Variants in HS6ST3 observed in about 807,000 individuals in gnomAD.
The protein encoded by HS6ST3 is heparan-sulfate 6-O-sulfotransferase 3.
HS6ST3 carries 12 observed loss-of-function variants against 36.7 expected under a neutral mutation model. The ratio of observed to expected loss-of-function variants is 0.33; its 90% confidence interval spans 0.21 to 0.53. HS6ST3 has a LOEUF of 0.53. Ranked by LOEUF, HS6ST3 falls within the 20% of genes least tolerant of loss-of-function variation. HS6ST3 has a pLI of 0.95. For missense variants in HS6ST3, 584 were observed against 640.9 expected (o/e 0.91, Z 0.96); for synonymous variants, 240 against 257.5 (o/e 0.93, Z 0.65).
intron 1 of HS6ST3, among the ~76,000 whole-genome samples, chr13:96,543,892 T>A (rs2056187533): frequency 6.6e-6 from 1 of 151,984 alleles, no homozygotes; most frequent in Non-Finnish European, 1.5e-5. Flanking sequence ...GAATCAAATT[T>A]TTTTTTCTTA....
chr13:96,833,000 G>A lies in HS6ST3; in HGVS notation c.1218G>A (p.Gln406=). 1 of 1,614,114 alleles carries A rather than the reference G, an allele frequency of 6.2e-7. No individual in the cohort carries two copies. The highest frequency in any genetic ancestry group is 8.5e-7 in the Non-Finnish European group (1 of 1,180,018). ...RIEDLNFLDM[Q]LYEYAKDLFQ... ...AGGATCTAAACTTCCTGGACATGCAGCTTTACGAGTATGCAAAAGATCTCT... is the reference window on the plus strand; with the variant it reads ...AGGATCTAAACTTCCTGGACATGCAACTTTACGAGTATGCAAAAGATCTCT... The change falls in exon 2 of 2, where the codon CAG becomes CAA. Residue 406 remains glutamine (Q), a synonymous_variant. Transcript: ENST00000376705.
At chr13:96,319,303 C>T (rs2054992053) in intron 1 of HS6ST3, among the ~76,000 whole-genome samples, 2 of 152,168 alleles carry the variant, frequency 1.3e-5, no homozygotes, top group Admixed American at 1.3e-4. Flanking sequence ...TTTCAAGGTT[C>T]ATCCATGCTC....
chr13:96,686,078 C>T lies in HS6ST3; in HGVS notation c.708-146412C>T, dbSNP rs564806452. Among the ~76,000 whole-genome samples, 4 of 152,074 alleles carry T rather than the reference C, an allele frequency of 2.6e-5. No homozygotes were observed. The South Asian group carries it at 6.2e-4, about 24-fold the overall frequency. On this transcript the variant is annotated intron_variant, in intron 1 of 1. Transcript: ENST00000376705. The stretch of plus-strand genomic sequence containing the variant: ...GAAACGTAACCCATCATTAAATTTT[C>T]ATCCAAGGAGGAAGGCGTTTGCCTG...
chr13:96,145,466 C>G (rs2054053159), intron 1 of HS6ST3, among the ~76,000 whole-genome samples: 1 of 152,110 alleles, frequency 6.6e-6, no homozygotes, highest in Non-Finnish European at 1.5e-5. Flanking sequence ...TGAGAAGTGT[C>G]TGTTATATCC....
At chr13:96,802,412 T>C (rs1333109081) in intron 1 of HS6ST3, among the ~76,000 whole-genome samples, 1 of 152,206 alleles carries the variant, frequency 6.6e-6, no homozygotes, top group Non-Finnish European at 1.5e-5. Context: ...AAAGCTTTTT[T>C]CTCTTTTAAC....
chr13:96,137,837 G>GCT (rs1566891230), intron 1 of HS6ST3, among the ~76,000 whole-genome samples: 1 of 151,766 alleles, frequency 6.6e-6, no homozygotes, highest in African/African-American at 2.4e-5. Context: ...TTTAAAGAAT[G>GCT]TTGAATTCTT....
intron 1 of HS6ST3, among the ~76,000 whole-genome samples, chr13:96,198,186 G>T (rs72642916): frequency 0.053 from 8,031 of 152,266 alleles, 315 homozygotes; most frequent in Admixed American, 0.13. Flanking sequence ...GGCTGGAACG[G>T]CTGGGACACA....
Position 96,833,529 on chromosome 13 carries a change from G to A in HS6ST3, c.*331G>A, listed in dbSNP as rs1423073462. 3 of 230,768 alleles carry A rather than the reference G, an allele frequency of 1.3e-5. No individual in the cohort carries two copies. The highest frequency in any genetic ancestry group is 6.8e-5 in the African/African-American group (3 of 44,218). 14.3% of individuals were successfully genotyped at this position (230,768 alleles called of 1,614,324 possible). A position where few individuals can be genotyped will look rare whatever the true frequency, so the allele number is the denominator to read the frequency against. On this transcript the variant is annotated 3_prime_UTR_variant, in exon 2 of 2. Coordinates refer to ENST00000376705, the MANE Select transcript of HS6ST3 (RefSeq NM_153456.4). The stretch of plus-strand genomic sequence containing the variant: ...GAGCATAGAATAGTTTGGGTACCAG[G>A]AACCCACAGAGGCACACATGAAAAG...
At chr13:96,218,482 T>A (rs1340754373) in intron 1 of HS6ST3, among the ~76,000 whole-genome samples, 1 of 152,172 alleles carries the variant, frequency 6.6e-6, no homozygotes, top group Non-Finnish European at 1.5e-5. Flanking sequence ...TGCGCTAATC[T>A]GTCTGTTTCC....
chr13:96,411,981 G>C (rs936644017), intron 1 of HS6ST3, among the ~76,000 whole-genome samples: 4 of 151,828 alleles, frequency 2.6e-5, no homozygotes, highest in Non-Finnish European at 5.9e-5. Context: ...TGGTATGCCT[G>C]GTATTTCTTT....
At chr13:96,728,556 T>C (rs1876062026) in intron 1 of HS6ST3, among the ~76,000 whole-genome samples, 1 of 152,268 alleles carries the variant, frequency 6.6e-6, no homozygotes, top group Non-Finnish European at 1.5e-5. Context: ...ATTTTCTAGA[T>C]GTTGCATTGT....
intron 1 of HS6ST3, among the ~76,000 whole-genome samples, chr13:96,391,165 T>C (rs1371167443): frequency 6.6e-6 from 1 of 152,198 alleles, no homozygotes; most frequent in Non-Finnish European, 1.5e-5. Flanking sequence ...CACTTCATTC[T>C]CTATGCTCGC....
intron 1 of HS6ST3, among the ~76,000 whole-genome samples, chr13:96,668,004 C>T (rs2056669823): frequency 6.6e-6 from 1 of 152,196 alleles, no homozygotes; most frequent in Non-Finnish European, 1.5e-5. Context: ...CTCCCTCTAA[C>T]ATTCACCAAG....
intron 1 of HS6ST3, among the ~76,000 whole-genome samples, chr13:96,304,723 T>TCTTTCTTTC (rs1278260017): frequency 1.5e-5 from 1 of 68,640 alleles, no homozygotes; most frequent in African/African-American, 7.7e-5. Context: ...TTTTTTTTTT[T>TCTTTCTTTC]TTTTTTTTAC....
intron 1 of HS6ST3, among the ~76,000 whole-genome samples, chr13:96,682,944 C>G (rs1490773855): frequency 2.0e-5 from 3 of 151,942 alleles, no homozygotes. Flanking sequence ...AATTAATTAC[C>G]TTTAGGTATT....
rs563126875 is a variant in HS6ST3 at position 96,730,819 on chromosome 13, G to T, written c.708-101671G>T. 4.3e-3 allele frequency among the ~76,000 whole-genome samples: 654 copies of T among 152,142 alleles called. 4 individuals are homozygous for T. Among genetic ancestry groups the T allele is most frequent in the Non-Finnish European group, 7.7e-3 (525 of 67,998 alleles). ...CACTATCATGGTTCACTGCAGCCTT[G>T]GCCTCCCAGGCTCAAGCAATCCTCC... is the stretch of plus-strand genomic sequence containing the variant. On this transcript the variant is annotated intron_variant, in intron 1 of 1. Transcript: ENST00000376705.
Position 96,685,050 on chromosome 13 carries a change from G to A in HS6ST3, c.708-147440G>A, listed in dbSNP as rs1467228257. ...AAAAAAAGATCAATACATAAATTGA[G>A]TATTCAGAACACAGCAAACAGAAGT... On this transcript the variant is annotated intron_variant, in intron 1 of 1. Transcript: ENST00000376705. Among the ~76,000 whole-genome samples the A allele has an allele frequency of 2.6e-5, 4 of 152,198 alleles. No individual in the cohort carries two copies. The East Asian group carries it at 7.7e-4, about 29-fold the overall frequency.
chr13:96,639,929 G>A lies in HS6ST3; in HGVS notation c.708-192561G>A, dbSNP rs111954092. 4.6e-4 allele frequency among the ~76,000 whole-genome samples: 70 copies of A among 152,072 alleles called. 2 individuals carry two copies. Among genetic ancestry groups the A allele is most frequent in the African/African-American group, 1.6e-3 (65 of 41,522 alleles). Reference sequence around the variant, plus strand: ...CTGTGTAGTTTTAGTATTCCATGACGTAAATGTACCACATTGGCTTTATCC... The same window carrying A: ...CTGTGTAGTTTTAGTATTCCATGACATAAATGTACCACATTGGCTTTATCC... On this transcript the variant is annotated intron_variant, in intron 1 of 1. Transcript: ENST00000376705.
In HS6ST3 at chr13:96,618,777, A is replaced by G. The variant is rs1300711774; in HGVS notation, c.708-213713A>G. ...CATTTACATTCAAGCCTTGAACTGT[A>G]TACTAGAACAACTTACCAGCATAGC... On this transcript the variant is annotated intron_variant, in intron 1 of 1. Coordinates refer to ENST00000376705, the MANE Select transcript of HS6ST3 (RefSeq NM_153456.4). Among the ~76,000 whole-genome samples the G allele has an allele frequency of 3.3e-5, 5 of 152,204 alleles. No individual in the cohort carries two copies. In the East Asian group the frequency reaches 5.8e-4, roughly 18 times the overall value.
Sources: allele counts gnomAD v4.1 joint callset (sites outside exome capture counted in the v4.1 genomes callset), GRCh38; gene constraint gnomAD v4.1.1; transcripts MANE v1.5; gene names NCBI Gene and HGNC (gene_info 2026-07-23, HGNC 2026-07-21).